Variants in FAT3 observed in about 807,000 individuals in gnomAD.
The protein encoded by FAT3 is protocadherin Fat 3.
FAT3 carries 95 observed loss-of-function variants against 310.2 expected under a neutral mutation model. The ratio of observed to expected loss-of-function variants is 0.31; its 90% CI spans 0.26 to 0.36. The LOEUF (loss-of-function observed/expected upper bound fraction) is 0.36, where lower values mean the gene tolerates loss of function less well. FAT3 is among the 10% of genes least tolerant of loss of function. FAT3 has a pLI of 1.00. For missense variants in FAT3, 5,408 were observed against 5,715.6 expected (o/e 0.95, Z 1.74); for synonymous variants, 2,314 against 2,192.9 (o/e 1.06, Z -1.54).
chr11:92,492,657 C>T (rs1952643559), intron 2 of FAT3, among the ~76,000 whole-genome samples: 1 of 152,026 alleles, frequency 6.6e-6, no homozygotes, highest in Non-Finnish European at 1.5e-5. Flanking sequence ...CTTCCCCTCT[C>T]CAGCCCAACA....
chr11:92,352,554 G>A lies in FAT3; in HGVS notation c.442G>A (p.Val148Ile). 11 of 1,613,742 alleles carry A rather than the reference G, an allele frequency of 6.8e-6. No individual in the cohort carries two copies. The highest frequency in any genetic ancestry group is 9.3e-6 in the Non-Finnish European group (11 of 1,179,830). ...LEAWTKVNIQ[V>I]LDMNDLRPLF... ...AGCATGGACCAAAGTGAATATACAG[G>A]TTTTAGATATGAATGATCTGAGACC... The change falls in exon 2 of 28, where the codon GTT (valine) becomes ATT (isoleucine). Residue 148 changes from valine (V) to isoleucine (I), a missense_variant. Physicochemically the swap from Val to Ile is conservative, Grantham distance 29. Coordinates refer to ENST00000525166, the MANE Select transcript of FAT3 (RefSeq NM_001367949.2).
chr11:92,245,341 G>T (rs750480014), intron 1 of FAT3, among the ~76,000 whole-genome samples: 1 of 152,014 alleles, frequency 6.6e-6, no homozygotes, highest in African/African-American at 2.4e-5. Context: ...GGGCCTGTCG[G>T]GGGGTGGCGG....
At chr11:92,529,541 T>C (rs766894143) in intron 3 of FAT3, among the ~76,000 whole-genome samples, 4 of 152,202 alleles carry the variant, frequency 2.6e-5, no homozygotes, top group Non-Finnish European at 5.9e-5. Context: ...TTTTTTTGTT[T>C]TGTTTTTTTT....
At chr11:92,744,981 T>C (rs1189114603) in intron 4 of FAT3, among the ~76,000 whole-genome samples, 1 of 152,178 alleles carries the variant, frequency 6.6e-6, no homozygotes, top group Non-Finnish European at 1.5e-5. Context: ...TTTGCTCAGC[T>C]AGTAATTAGA....
chr11:92,611,312 C>T (rs759436357), intron 3 of FAT3, among the ~76,000 whole-genome samples: 7 of 152,100 alleles, frequency 4.6e-5, no homozygotes, highest in Non-Finnish European at 8.8e-5. Context: ...GACAGGGTCT[C>T]GTGATGTCAC....
At chr11:92,507,178 G>T (rs1953129494) in intron 2 of FAT3, among the ~76,000 whole-genome samples, 1 of 152,160 alleles carries the variant, frequency 6.6e-6, no homozygotes, top group Non-Finnish European at 1.5e-5. Flanking sequence ...AAAAGAAGAT[G>T]AATACAAGGC....
At chr11:92,615,304 T>A (rs1940748459) in intron 3 of FAT3, among the ~76,000 whole-genome samples, 1 of 152,226 alleles carries the variant, frequency 6.6e-6, no homozygotes, top group African/African-American at 2.4e-5. Context: ...TGGAGTGCAG[T>A]GGCACGATCT....
intron 2 of FAT3, among the ~76,000 whole-genome samples, chr11:92,373,324 C>T (rs1466571299): frequency 6.6e-6 from 1 of 152,100 alleles, no homozygotes; most frequent in Admixed American, 6.5e-5. Flanking sequence ...GATTTGTGGG[C>T]ATGGGAACTG....
At chr11:92,417,312 A>G (rs1950438281) in intron 2 of FAT3, among the ~76,000 whole-genome samples, 1 of 152,208 alleles carries the variant, frequency 6.6e-6, no homozygotes. Context: ...AATCTATTTT[A>G]AATTGTACAC....
chr11:92,289,389 A>G (rs1271289962), intron 1 of FAT3, among the ~76,000 whole-genome samples: 1 of 151,820 alleles, frequency 6.6e-6, no homozygotes, highest in Admixed American at 6.6e-5. Context: ...TCACATGTCC[A>G]AGATGGATGT....
At chr11:92,791,309 A>G (rs902292994) in intron 8 of FAT3, among the ~76,000 whole-genome samples, 1 of 152,208 alleles carries the variant, frequency 6.6e-6, no homozygotes, top group Non-Finnish European at 1.5e-5. Context: ...AGGAGCTTAC[A>G]CTAAATTGGA....
intron 2 of FAT3, among the ~76,000 whole-genome samples, chr11:92,367,770 G>A (rs900911224): frequency 6.6e-6 from 1 of 152,154 alleles, no homozygotes. Flanking sequence ...CCCATCCTTC[G>A]GCATTGTGGG....
At chr11:92,568,085 A>G (rs1955534739) in intron 3 of FAT3, among the ~76,000 whole-genome samples, 1 of 152,154 alleles carries the variant, frequency 6.6e-6, no homozygotes, top group Non-Finnish European at 1.5e-5. Context: ...ATCCGCAAAT[A>G]TTTATTGAAT....
In FAT3 at chr11:92,696,126, G is replaced by GTA. The variant is rs563569384; in HGVS notation, c.3608-1245_3608-1244dup. 1.0e-3 allele frequency among the ~76,000 whole-genome samples: 149 copies of GTA among 147,498 alleles called. 2 individuals are homozygous for GTA. The highest frequency in any genetic ancestry group is 3.6e-3 in the Admixed American group (53 of 14,734). ...TTTACTATATATATATATACCATGT[G>GTA]TATATATATATATACCTACAACTTG... On this transcript the variant is annotated intron_variant, in intron 3 of 27. Coordinates refer to ENST00000525166, the MANE Select transcript of FAT3 (RefSeq NM_001367949.2).
At chr11:92,273,985 G>C (rs1392935958) in intron 1 of FAT3, among the ~76,000 whole-genome samples, 1 of 151,982 alleles carries the variant, frequency 6.6e-6, no homozygotes, top group Non-Finnish European at 1.5e-5. Flanking sequence ...TTAACACATT[G>C]GTTTTTATAG....
In FAT3 at chr11:92,466,707, T is replaced by G. The variant is rs1172939078; in HGVS notation, c.3293-57927T>G. ...TTAACTCGTCATTTAGCATTAGGTG[T>G]ATCTCCTAATGCTATCCCTCCCCCC... On this transcript the variant is annotated intron_variant, in intron 2 of 27. Coordinates refer to ENST00000525166, the MANE Select transcript of FAT3 (RefSeq NM_001367949.2). Among the ~76,000 whole-genome samples the G allele has an allele frequency of 1.3e-4, 20 of 149,700 alleles. No homozygotes were observed. The South Asian group carries it at 2.6e-3, about 19-fold the overall frequency.
At position 92,798,817 on chromosome 11, in the gene FAT3, A is replaced by T. The variant is rs750504464; in HGVS notation, c.5804A>T (p.Asn1935Ile). The T allele has an allele frequency of 1.1e-5, 17 of 1,613,770 alleles. No homozygotes were observed. In the African/African-American group the frequency reaches 2.0e-4, roughly 19 times the overall value. ...TTGGATCATTTTTTAATTGACTCAAACAGTGGAGTACTTACCATAAAAAAC... is the reference window on the plus strand; with the variant it reads ...TTGGATCATTTTTTAATTGACTCAATCAGTGGAGTACTTACCATAAAAAAC... The part of the protein sequence containing the change: ...GSLDHFLIDS[N>I]SGVLTIKNNN... The change falls in exon 10 of 28, where the codon AAC becomes ATC. Residue 1935 changes from asparagine to isoleucine, a missense_variant. Transcript: ENST00000525166.
At chr11:92,669,708 T>C (rs1338414909) in intron 3 of FAT3, among the ~76,000 whole-genome samples, 1 of 152,204 alleles carries the variant, frequency 6.6e-6, no homozygotes, top group African/African-American at 2.4e-5. Context: ...ACATGTGCTT[T>C]CAGGACAGGC....
In FAT3 at chr11:92,301,149, G is replaced by A. The variant is rs948794434; in HGVS notation, c.-17-50947G>A. Among the ~76,000 whole-genome samples the A allele has an allele frequency of 5.3e-5, 8 of 152,192 alleles. 1 individual carries two copies. The highest frequency in any genetic ancestry group is 2.1e-4 in the South Asian group (1 of 4,816). ...CTGATCTCCTCTTTCTCAGCTGTTTGTCTTCATCTAGATAGTCAGCTGGGC... is the reference window on the plus strand; with the variant it reads ...CTGATCTCCTCTTTCTCAGCTGTTTATCTTCATCTAGATAGTCAGCTGGGC... On this transcript the variant is annotated intron_variant, in intron 1 of 27. Transcript: ENST00000525166.
Sources: allele counts gnomAD v4.1 joint callset (sites outside exome capture counted in the v4.1 genomes callset), GRCh38; gene constraint gnomAD v4.1.1; transcripts MANE v1.5; gene names NCBI Gene and HGNC (gene_info 2026-07-23, HGNC 2026-07-21).